Variants in AGT observed in about 807,000 individuals in gnomAD.
AGT encodes angiotensinogen.
In AGT, 26 loss-of-function variants were observed where a neutral mutation model predicts 28.1. The observed-to-expected ratio is 0.92, with a 90% CI of 0.68 to 1.28. The LOEUF (loss-of-function observed/expected upper bound fraction) is 1.28. Ranked by LOEUF, AGT falls within the 50% of genes most tolerant of loss-of-function variation. The pLI is 0.00. For missense variants in AGT, 596 were observed against 592.3 expected (o/e 1.01, Z -0.06); for synonymous variants, 259 against 259.6 (o/e 1.00, Z 0.02).
At chr1:230,722,326 G>C (rs975122975) in intron 1 of AGT, among the ~76,000 whole-genome samples, 4 of 152,202 alleles carry the variant, frequency 2.6e-5, no homozygotes, top group Non-Finnish European at 1.5e-5. Flanking sequence ...TGCAGGGGTG[G>C]AGATCCCATG....
upstream of AGT, among the ~76,000 whole-genome samples, chr1:230,716,806 G>A (rs1021999215): frequency 3.3e-5 from 5 of 152,018 alleles, no homozygotes; most frequent in East Asian, 5.9e-4. Flanking sequence ...TATTAGCAGC[G>A]TGAGAACAGA....
intron 1 of AGT, among the ~76,000 whole-genome samples, chr1:230,723,594 T>C (rs1436193585): frequency 6.6e-6 from 1 of 152,224 alleles, no homozygotes; most frequent in African/African-American, 2.4e-5. Context: ...GGCTAGTAAC[T>C]CTAAGCCATG....
chr1:230,716,281 C>A (rs139428320), upstream of AGT, among the ~76,000 whole-genome samples: 20 of 152,326 alleles, frequency 1.3e-4, no homozygotes, highest in African/African-American at 4.6e-4. Flanking sequence ...ACATTTGACC[C>A]AGCTCAGATT....
At chr1:230,712,453 C>T (rs527825021) in intron 1 of AGT, among the ~76,000 whole-genome samples, 3 of 152,292 alleles carry the variant, frequency 2.0e-5, no homozygotes, top group Non-Finnish European at 2.9e-5. Context: ...GGAAGAGCCA[C>T]ATGACATGGA....
intron 1 of AGT, among the ~76,000 whole-genome samples, chr1:230,741,054 C>A (rs12409662): frequency 6.6e-6 from 1 of 152,088 alleles, no homozygotes; most frequent in African/African-American, 2.4e-5. Flanking sequence ...CCTCCAGCTC[C>A]TAGATGAGAA....
rs147994571 is a variant in AGT at position 230,738,573 on chromosome 1, G to A, written c.-31+6942C>T. Among the ~76,000 whole-genome samples, 1,027 of 152,286 alleles carry A rather than the reference G, an allele frequency of 6.7e-3. 3 individuals are homozygous for A. The highest frequency in any genetic ancestry group is 9.7e-3 in the Non-Finnish European group (660 of 68,020). On this transcript the variant is annotated intron_variant, in intron 1 of 4. Coordinates refer to the AGT transcript ENST00000681269. ...GACACTTTGTGAAAGCCATAAGCTC[G>A]AAAGAGACAAATAGTTCTCTTCCTG... is the stretch of plus-strand genomic sequence containing the variant.
chr1:230,705,874 C>G, intron 3 of AGT, 59 bp downstream of exon 3: 1 of 1,605,670 alleles, frequency 6.2e-7, no homozygotes, highest in Non-Finnish European at 8.5e-7. Context: ...CCACCCCGCC[C>G]CCAGCCTGGG....
At chr1:230,739,319 C>T (rs1664203946) in intron 1 of AGT, among the ~76,000 whole-genome samples, 1 of 151,788 alleles carries the variant, frequency 6.6e-6, no homozygotes, top group Non-Finnish European at 1.5e-5. Context: ...CATGCCACTG[C>T]ACTCCAGCAG....
At chr1:230,725,779 A>C (rs2102800286) in intron 1 of AGT, among the ~76,000 whole-genome samples, 1 of 152,298 alleles carries the variant, frequency 6.6e-6, no homozygotes, top group Middle Eastern at 3.4e-3. Flanking sequence ...AGAAGAATTC[A>C]GAGTGGATCC....
chr1:230,710,524 C>A lies in AGT; in HGVS notation c.300G>T (p.Leu100=), dbSNP rs886046082. The change falls in exon 2 of 5, where the codon CTG becomes CTT. Residue 100 remains leucine, a synonymous_variant. Transcript: ENST00000366667. ...ATATACGGAAGCCCAAGAAGTTGGC[C>A]AGCATCCCGACCATTGCGGCCCTCA... ...DKLRAAMVGM[L]ANFLGFRIYG... The A allele has an allele frequency of 1.2e-6, 2 of 1,614,108 alleles. No homozygotes were observed. Among genetic ancestry groups the A allele is most frequent in the African/African-American group, 2.7e-5 (2 of 74,930 alleles).
intron 1 of AGT, among the ~76,000 whole-genome samples, chr1:230,731,380 T>C (rs1664052767): frequency 6.6e-6 from 1 of 152,204 alleles, no homozygotes; most frequent in South Asian, 2.1e-4. Flanking sequence ...ATTTCTTCAG[T>C]ATAAATCCAT....
At chr1:230,716,377 T>C (rs1462568659), upstream of AGT, among the ~76,000 whole-genome samples, 1 of 152,198 alleles carries the variant, frequency 6.6e-6, no homozygotes, top group African/African-American at 2.4e-5. Context: ...CAGTGGAAGT[T>C]AGGGACAGAG....
chr1:230,717,895 C>T (rs1198672062), upstream of AGT, among the ~76,000 whole-genome samples: 1 of 152,136 alleles, frequency 6.6e-6, no homozygotes, highest in East Asian at 1.9e-4. Context: ...CTCACATGGG[C>T]TTTAGACTCC....
intron 1 of AGT, among the ~76,000 whole-genome samples, chr1:230,728,280 G>C (rs1043013375): frequency 6.6e-6 from 1 of 152,120 alleles, no homozygotes; most frequent in South Asian, 2.1e-4. Context: ...CCAGAATAAC[G>C]GCTGGTGATT....
At position 230,724,622 on chromosome 1, in the gene AGT, G is replaced by A. The variant is rs531419556; in HGVS notation, c.-30-13769C>T. ...GTGAAACACTTGAGCCCAGGAGTTT[G>A]AGACCAGCTTCAGCAACATGGCAAA... On this transcript the variant is annotated intron_variant, in intron 1 of 4. Transcript: ENST00000681269. Among the ~76,000 whole-genome samples, 6 of 152,092 alleles carry A rather than the reference G, an allele frequency of 3.9e-5. No individual in the cohort carries two copies. The East Asian group carries it at 7.7e-4, about 20-fold the overall frequency.
chr1:230,703,043 C>T lies in AGT; in HGVS notation c.*98G>A. 4 of 1,335,936 alleles carry T rather than the reference C, an allele frequency of 3.0e-6. No homozygotes were observed. Among genetic ancestry groups the T allele is most frequent in the Admixed American group, 4.1e-5 (2 of 49,146 alleles). 82.8% of individuals were successfully genotyped at this position (1,335,936 alleles called of 1,614,324 possible). ...AAAAGGTGGGAGACTGGGGGTGACA[C>T]ATCGCTGATTTGTCCGGGGTTGTTA... is the stretch of plus-strand genomic sequence containing the variant. On this transcript the variant is annotated 3_prime_UTR_variant, in exon 5 of 5. Transcript: ENST00000366667.
chr1:230,731,663 C>T (rs2493149), intron 1 of AGT, among the ~76,000 whole-genome samples: 1 of 152,078 alleles, frequency 6.6e-6, no homozygotes, highest in African/African-American at 2.4e-5. Flanking sequence ...GTTAGGAGCT[C>T]AAGACCAGTC....
At chr1:230,731,371 T>G (rs1664052196) in intron 1 of AGT, among the ~76,000 whole-genome samples, 1 of 152,194 alleles carries the variant, frequency 6.6e-6, no homozygotes, top group Non-Finnish European at 1.5e-5. Context: ...TAGCCAGTTA[T>G]TTCTTCAGTA....
chr1:230,722,033 A>G (rs1394560671), intron 1 of AGT, among the ~76,000 whole-genome samples: 2 of 152,212 alleles, frequency 1.3e-5, no homozygotes, highest in African/African-American at 4.8e-5. Flanking sequence ...ACAGGCCTGG[A>G]GGCCTAACAG....
Sources: allele counts gnomAD v4.1 joint callset (sites outside exome capture counted in the v4.1 genomes callset), GRCh38; gene constraint gnomAD v4.1.1; transcripts MANE v1.5; gene names NCBI Gene and HGNC (gene_info 2026-07-23, HGNC 2026-07-21).